The following DHCR24 variants were observed in gnomAD, a reference collection of about 807,000 sequenced individuals.
DHCR24 encodes the protein 24-dehydrocholesterol reductase, also known as delta(24)-sterol reductase.
DHCR24 carries 28 observed loss-of-function variants against 61.2 expected under a neutral mutation model. The ratio of observed to expected loss-of-function variants is 0.46; its 90% confidence interval spans 0.34 to 0.63. DHCR24 has a LOEUF of 0.63. Among genes scored for constraint, DHCR24 ranks in the 20% least tolerant of loss-of-function variants. DHCR24 has a pLI of 0.01. For missense variants in DHCR24, 538 were observed against 679.1 expected, an observed-to-expected ratio of 0.79 and a Z score of 2.31; for synonymous variants, 261 against 275.9, an observed-to-expected ratio of 0.95 and a Z score of 0.54.
intron 7 of DHCR24, 97 bp downstream of exon 7, chr1:54,853,940 G>A: frequency 1.6e-6 from 2 of 1,248,286 alleles, no homozygotes; most frequent in Admixed American, 2.0e-5. Flanking sequence ...ACACCCAGAG[G>A]GCAGTGTGCC....
rs190727874 is a variant in DHCR24 at position 54,849,951 on chromosome 1, C to T, written c.*2282G>A. 7.9e-5 allele frequency: 12 copies of T among 152,686 alleles called. No individual in the cohort carries two copies. Among genetic ancestry groups the T allele is most frequent in the African/African-American group, 2.6e-4 (11 of 41,572 alleles). The allele number at this position is 152,686 out of a possible 1,614,324, so 9.5% of individuals were successfully genotyped here. ...TGGAGGGGAGAGCCTTACTCTGATA[C>T]TTTCCACATGCACTGCCCACTGGCA... On this transcript the variant is annotated 3_prime_UTR_variant, in exon 9 of 9. Coordinates refer to ENST00000371269, the MANE Select transcript of DHCR24 (RefSeq NM_014762.4).
At position 54,866,885 on chromosome 1, in the gene DHCR24, C is replaced by G. The variant is rs556637054; in HGVS notation, c.877-1439G>C. Among the ~76,000 whole-genome samples the G allele has an allele frequency of 2.0e-5, 3 of 152,364 alleles. No individual in the cohort carries two copies. In the East Asian group the frequency reaches 5.8e-4, roughly 29 times the overall value. ...CAGCGCAAAAAACACTCACGCTGGC[C>G]TCTGCCTGCTAATGTGAACAGGGGA... On this transcript the variant is annotated intron_variant, in intron 5 of 8. Coordinates refer to ENST00000371269, the MANE Select transcript of DHCR24 (RefSeq NM_014762.4).
chr1:54,875,580 A>C (rs548751862), intron 3 of DHCR24, among the ~76,000 whole-genome samples: 79 of 152,240 alleles, frequency 5.2e-4, no homozygotes, highest in African/African-American at 1.9e-3. Context: ...TAGTTAAAAG[A>C]ACTGAAGGTG....
At chr1:54,865,481 G>A (rs1193606541) in intron 5 of DHCR24, 35 bp from the exon 6 acceptor site, 5 of 1,613,144 alleles carry the variant, frequency 3.1e-6, no homozygotes, top group Non-Finnish European at 4.2e-6. Context: ...TCAGCCTGCA[G>A]ACAAGCGCCC....
intron 6 of DHCR24, among the ~76,000 whole-genome samples, chr1:54,857,826 AC>A (rs1646915795): frequency 2.0e-5 from 3 of 152,058 alleles, no homozygotes; most frequent in Admixed American, 1.3e-4. Context: ...GCTAACCCTG[AC>A]CCCGCGTGTT....
Position 54,853,547 on chromosome 1 carries a change from T to A in DHCR24, c.1284A>T (p.Gly428=), listed in dbSNP as rs761415924. The A allele has an allele frequency of 1.2e-6, 2 of 1,614,144 alleles. No individual in the cohort carries two copies. Among genetic ancestry groups the A allele is most frequent in the Non-Finnish European group, 1.7e-6 (2 of 1,180,014 alleles). The change falls in exon 8 of 9, where the codon GGA becomes GGT. Residue 428 remains glycine, a synonymous_variant. Coordinates refer to ENST00000371269, the MANE Select transcript of DHCR24 (RefSeq NM_014762.4). The part of the protein sequence containing the change: ...PSQPGLVHPK[G]NEAELYIDIG... ...TGTCGATGTAGAGCTCTGCCTCATT[T>A]CCTTTGGGGTGCACTAGGCCTGGCT...
At chr1:54,858,927 G>A (rs1010375856) in intron 6 of DHCR24, among the ~76,000 whole-genome samples, 3 of 152,096 alleles carry the variant, frequency 2.0e-5, no homozygotes, top group Non-Finnish European at 2.9e-5. Context: ...AAGCCACTGC[G>A]CCCGGCCTTC....
Position 54,878,005 on chromosome 1 carries a change from CA to C in DHCR24, c.388-1959del, listed in dbSNP as rs34579917. Among the ~76,000 whole-genome samples the C allele has an allele frequency of 3.8e-3, 420 of 111,658 alleles. 2 individuals are homozygous for C. Among genetic ancestry groups the C allele is most frequent in the Middle Eastern group, 8.9e-3 (2 of 224 alleles). The allele number at this position is 111,658 out of a possible 152,430, so 73.3% of individuals were successfully genotyped here. A position where few individuals can be genotyped will look rare whatever the true frequency, so the allele number is the denominator to read the frequency against. On this transcript the variant is annotated intron_variant, in intron 2 of 8. Coordinates refer to ENST00000371269, the MANE Select transcript of DHCR24 (RefSeq NM_014762.4). ...TGGATGACAGGGCGAGACTCTGTCT[CA>C]AAAAAAAAAAAAAAGAGGTGAGAGT... is the stretch of plus-strand genomic sequence containing the variant.
At chr1:54,860,692 A>G (rs1466463568) in intron 6 of DHCR24, among the ~76,000 whole-genome samples, 2 of 152,290 alleles carry the variant, frequency 1.3e-5, no homozygotes, top group East Asian at 1.9e-4. Context: ...CTTCAACATT[A>G]ACTTTTGGTG....
At chr1:54,876,175 T>C in intron 2 of DHCR24, 128 bp from the exon 3 acceptor site, 1 of 734,332 alleles carries the variant, frequency 1.4e-6, no homozygotes, top group East Asian at 2.7e-5. Context: ...ATATAGCCTT[T>C]ACAGGCTCTT....
intron 6 of DHCR24, among the ~76,000 whole-genome samples, chr1:54,863,434 C>CAT (rs1557433053): frequency 6.6e-6 from 1 of 152,144 alleles, no homozygotes; most frequent in Non-Finnish European, 1.5e-5. Context: ...GCCTCTGGTG[C>CAT]CTGTTTGACC....
intron 6 of DHCR24, among the ~76,000 whole-genome samples, chr1:54,864,209 C>T (rs1316234527): frequency 6.6e-6 from 1 of 152,072 alleles, no homozygotes; most frequent in East Asian, 1.9e-4. Flanking sequence ...GTTCTATATC[C>T]CAAAGAACTG....
intron 8 of DHCR24, among the ~76,000 whole-genome samples, chr1:54,852,731 A>G (rs1356097855): frequency 2.0e-5 from 3 of 152,122 alleles, no homozygotes; most frequent in Admixed American, 6.5e-5. Flanking sequence ...TCAATAAACT[A>G]GACATAATTT....
intron 4 of DHCR24, among the ~76,000 whole-genome samples, chr1:54,874,109 T>C (rs895157818): frequency 2.0e-5 from 3 of 152,240 alleles, no homozygotes; most frequent in Admixed American, 2.0e-4. Context: ...AGTCAAAAGT[T>C]TTTAAAAAGT....
At chr1:54,860,829 C>CA (rs908806610) in intron 6 of DHCR24, among the ~76,000 whole-genome samples, 10 of 150,714 alleles carry the variant, frequency 6.6e-5, no homozygotes, top group Middle Eastern at 3.4e-3. Context: ...GCTAAAAATA[C>CA]AAAAAAAAAT....
At position 54,850,712 on chromosome 1, in the gene DHCR24, T is replaced by G. The variant is rs952246475; in HGVS notation, c.*1521A>C. Reference sequence around the variant, plus strand: ...TCCCCAAGTGTCCACTGGATCATTTTTCCTCTGACTTTCCACACAAATGAG... The same window carrying G: ...TCCCCAAGTGTCCACTGGATCATTTGTCCTCTGACTTTCCACACAAATGAG... On this transcript the variant is annotated 3_prime_UTR_variant, in exon 9 of 9. Transcript: ENST00000371269. 5.3e-5 allele frequency: 8 copies of G among 152,250 alleles called. No homozygotes were observed. Among genetic ancestry groups the G allele is most frequent in the African/African-American group, 1.4e-4 (6 of 41,456 alleles). 9.4% of individuals were successfully genotyped at this position (152,250 alleles called of 1,614,324 possible). A position where few individuals can be genotyped will look rare whatever the true frequency, so the allele number is the denominator to read the frequency against.
intron 2 of DHCR24, among the ~76,000 whole-genome samples, chr1:54,880,759 T>G (rs941359982): frequency 3.4e-5 from 5 of 146,926 alleles, no homozygotes; most frequent in African/African-American, 1.2e-4. Flanking sequence ...AGCTAGACTC[T>G]GTCTCAAAAA....
intron 2 of DHCR24, among the ~76,000 whole-genome samples, chr1:54,882,967 G>A (rs576164956): frequency 6.6e-5 from 10 of 151,962 alleles, no homozygotes; most frequent in Admixed American, 1.3e-4. Context: ...CTTTAAATAC[G>A]TCAATAAAGC....
At chr1:54,855,800 G>A (rs1235303767) in intron 6 of DHCR24, among the ~76,000 whole-genome samples, 3 of 151,972 alleles carry the variant, frequency 2.0e-5, no homozygotes, top group Non-Finnish European at 4.4e-5. Context: ...GGCTTTTATT[G>A]TTTCCTTGGT....
Sources: allele counts gnomAD v4.1 joint callset (sites outside exome capture counted in the v4.1 genomes callset), GRCh38; gene constraint gnomAD v4.1.1; transcripts MANE v1.5; gene names NCBI Gene and HGNC (gene_info 2026-07-23, HGNC 2026-07-21).